The following CAST variants were observed in gnomAD, a reference collection of about 807,000 sequenced individuals.
CAST encodes calpastatin, also known as MIR583 host.
Under a neutral mutation model 119.6 loss-of-function variants are expected in CAST, and 76 were observed. That is an observed-to-expected ratio of 0.64 (90% confidence interval 0.53 to 0.77). CAST has a LOEUF of 0.77. CAST is among the 30% of genes least tolerant of loss of function. The probability of loss-of-function intolerance (pLI) is 0.00; values close to 1 mark genes in which losing one functional copy is unlikely to be tolerated. For missense variants in CAST, 953 were observed against 946.5 expected, an observed-to-expected ratio of 1.01 and a Z score of -0.09; for synonymous variants, 319 against 331.6, an observed-to-expected ratio of 0.96 and a Z score of 0.41.
the CAST span, among the ~76,000 whole-genome samples, chr5:96,442,965 T>C: frequency 2.0e-5 from 3 of 152,226 alleles, no homozygotes; most frequent in Non-Finnish European, 2.9e-5. Context: ...TTCTTTTTTC[T>C]CCTTCTTCTT....
chr5:96,203,100 T>G, the CAST span, among the ~76,000 whole-genome samples: 1 of 152,038 alleles, frequency 6.6e-6, no homozygotes, highest in East Asian at 1.9e-4. Context: ...TGTAGGTGTA[T>G]ATGTGACTGT....
the CAST span, among the ~76,000 whole-genome samples, chr5:96,390,026 CTA>C: frequency 6.6e-6 from 1 of 152,162 alleles, no homozygotes; most frequent in Non-Finnish European, 1.5e-5. Flanking sequence ...AGCCTGTAAA[CTA>C]AGTCCTATTT....
At chr5:96,459,290 A>G in the CAST span, among the ~76,000 whole-genome samples, 3 of 152,156 alleles carry the variant, frequency 2.0e-5, no homozygotes, top group Non-Finnish European at 4.4e-5. Flanking sequence ...TGTGTTAAGT[A>G]GATGACCACC....
chr5:96,183,160 A>AATAAT, the CAST span, among the ~76,000 whole-genome samples: 4 of 143,270 alleles, frequency 2.8e-5, 1 homozygote, highest in African/African-American at 1.0e-4. Context: ...AAAATAAATA[A>AATAAT]AATAATAATA....
the CAST span, among the ~76,000 whole-genome samples, chr5:96,029,783 G>T: frequency 5.3e-5 from 8 of 152,064 alleles, no homozygotes; most frequent in East Asian, 1.5e-3. Context: ...TATTTTGGGG[G>T]TTGTTAACTT....
In CAST at chr5:96,757,438, G is replaced by A. The variant is rs748695173; in HGVS notation, c.1711-6G>A. ...TTTCATGCCATGTGTTTTCCCCCCC[G>A]GATAGGATAAAGATGGAAAGCCACT... On this transcript the variant is annotated splice_polypyrimidine_tract_variant and splice_region_variant and intron_variant, in intron 22 of 31. Transcript: ENST00000675179. 1.2e-5 allele frequency: 19 copies of A among 1,613,318 alleles called. No individual in the cohort carries two copies. Among genetic ancestry groups the A allele is most frequent in the African/African-American group, 2.7e-5 (2 of 74,838 alleles).
At chr5:96,626,979 TTTTG>T (rs1186420629) in intron 1 of CAST, among the ~76,000 whole-genome samples, 1 of 152,242 alleles carries the variant, frequency 6.6e-6, no homozygotes, top group African/African-American at 2.4e-5. Flanking sequence ...ACCATGAATA[TTTTG>T]TTTGGGAGAA....
chr5:96,510,150 A>G, the CAST span, among the ~76,000 whole-genome samples: 9,142 of 152,230 alleles, frequency 0.06, 743 homozygotes, highest in East Asian at 0.3. Flanking sequence ...GTCTTCTGGG[A>G]AGTCCAAGTT....
rs144182321 is a variant in CAST, at chr5:96,642,648, T to A, written c.61-32891T>A. Among the ~76,000 whole-genome samples, 575 of 151,932 alleles carry A rather than the reference T, an allele frequency of 3.8e-3. 4 individuals carry two copies. Among genetic ancestry groups the A allele is most frequent in the African/African-American group, 0.013 (547 of 41,420 alleles). ...CCTCCACCTCCTGGATTCAAGCAAT[T>A]CTCGTGCTTCAGCCTCCCAGGTAGC... is the stretch of plus-strand genomic sequence containing the variant. On this transcript the variant is annotated intron_variant, in intron 1 of 11. Coordinates refer to the CAST transcript ENST00000505143.
the CAST span, among the ~76,000 whole-genome samples, chr5:96,460,585 C>T: frequency 6.6e-6 from 1 of 151,116 alleles, no homozygotes. Flanking sequence ...AACCAACCCT[C>T]AAATATAAAG....
chr5:96,332,204 G>A, the CAST span, among the ~76,000 whole-genome samples: 4 of 152,300 alleles, frequency 2.6e-5, no homozygotes, highest in South Asian at 6.2e-4. Flanking sequence ...GGGTAGCCAC[G>A]GAGGGTAGGA....
chr5:96,229,072 C>CTAT, the CAST span, among the ~76,000 whole-genome samples: 2 of 151,766 alleles, frequency 1.3e-5, no homozygotes, highest in Non-Finnish European at 2.9e-5. Context: ...TCCATGTTAT[C>CTAT]TATTACCTGG....
At chr5:96,711,311 A>G (rs896191710) in intron 3 of CAST, among the ~76,000 whole-genome samples, 1 of 152,216 alleles carries the variant, frequency 6.6e-6, no homozygotes, top group Non-Finnish European at 1.5e-5. Flanking sequence ...AATATAAAAC[A>G]AAGAAAAAGT....
At chr5:95,975,985 T>G in the CAST span, among the ~76,000 whole-genome samples, 1 of 152,092 alleles carries the variant, frequency 6.6e-6, no homozygotes, top group African/African-American at 2.4e-5. Context: ...AATTGTTGCT[T>G]GTAATCTTCA....
chr5:96,106,283 C>G, the CAST span, among the ~76,000 whole-genome samples: 5 of 152,054 alleles, frequency 3.3e-5, no homozygotes, highest in Non-Finnish European at 5.9e-5. Context: ...TGTATTTGCT[C>G]TTGCTTTTCT....
chr5:96,022,117 T>C, the CAST span, among the ~76,000 whole-genome samples: 1 of 152,114 alleles, frequency 6.6e-6, no homozygotes, highest in Non-Finnish European at 1.5e-5. Flanking sequence ...AGGATGTACA[T>C]AGGTTATGTG....
the CAST span, among the ~76,000 whole-genome samples, chr5:96,319,947 C>G: frequency 1.3e-5 from 2 of 148,540 alleles, no homozygotes; most frequent in African/African-American, 4.9e-5. Flanking sequence ...GGTGTCAACA[C>G]CTTTCCTCAC....
At chr5:96,264,949 T>C in the CAST span, among the ~76,000 whole-genome samples, 14 of 152,214 alleles carry the variant, frequency 9.2e-5, no homozygotes, top group Non-Finnish European at 1.9e-4. Flanking sequence ...GTGATGGACA[T>C]TTGATAGTTT....
chr5:96,496,128 A>G, the CAST span, among the ~76,000 whole-genome samples: 4 of 152,320 alleles, frequency 2.6e-5, no homozygotes, highest in African/African-American at 9.6e-5. Context: ...ATTTAAGTAT[A>G]TAATTGTGTA....
Sources: allele counts gnomAD v4.1 joint callset (sites outside exome capture counted in the v4.1 genomes callset), GRCh38; gene constraint gnomAD v4.1.1; transcripts MANE v1.5; gene names NCBI Gene and HGNC (gene_info 2026-07-23, HGNC 2026-07-21).